The following RBFOX1 variants were observed in gnomAD, a reference collection of about 807,000 sequenced individuals.
RBFOX1 encodes the protein RNA binding fox-1 homolog 1, also known as RNA binding protein fox-1 homolog 1.
In RBFOX1, 8 loss-of-function variants were observed where a neutral mutation model predicts 57.7. The ratio of observed to expected loss-of-function variants is 0.14; its 90% CI spans 0.08 to 0.25. The LOEUF (loss-of-function observed/expected upper bound fraction) is 0.25. Among genes scored for constraint, RBFOX1 ranks in the 10% least tolerant of loss-of-function variants. The pLI, the probability that RBFOX1 is intolerant of heterozygous loss-of-function variation, is 1.00. For synonymous variants in RBFOX1, 326 were observed against 222.4 expected (o/e 1.47, Z -4.15); for missense variants, 611 against 548.5 (o/e 1.11, Z -1.14).
intron 3 of RBFOX1, among the ~76,000 whole-genome samples, chr16:5,705,638 G>A (rs2051216408): frequency 6.6e-6 from 1 of 152,116 alleles, no homozygotes; most frequent in Non-Finnish European, 1.5e-5. Context: ...ATCAATGTGG[G>A]ACCATTAAGT....
chr16:5,255,358 A>ATCCATCCATCCATCCC (rs1555468942), intron 1 of RBFOX1, among the ~76,000 whole-genome samples: 4 of 106,320 alleles, frequency 3.8e-5, no homozygotes, highest in Non-Finnish European at 6.3e-5. Flanking sequence ...CCATCCCTCC[A>ATCCATCCATCCATCCC]TCCATCCATC....
At chr16:6,918,127 A>C (rs1597187040) in intron 3 of RBFOX1, among the ~76,000 whole-genome samples, 1 of 152,050 alleles carries the variant, frequency 6.6e-6, no homozygotes, top group Admixed American at 6.6e-5. Context: ...GTCTCTACTA[A>C]AAATGCAGAA....
At chr16:6,823,122 T>G (rs573788050) in intron 3 of RBFOX1, among the ~76,000 whole-genome samples, 1 of 152,324 alleles carries the variant, frequency 6.6e-6, no homozygotes, top group East Asian at 1.9e-4. Flanking sequence ...AGCCATTTTA[T>G]GAAGCCTGTA....
At chr16:6,567,303 C>A (rs1296562794) in intron 2 of RBFOX1, among the ~76,000 whole-genome samples, 1 of 152,134 alleles carries the variant, frequency 6.6e-6, no homozygotes, top group Non-Finnish European at 1.5e-5. Flanking sequence ...TTATTATTGT[C>A]CTGAACACAG....
At position 6,263,207 on chromosome 16, in the gene RBFOX1, C is replaced by G. The variant is rs1391241490; in HGVS notation, c.-126-53788C>G. On this transcript the variant is annotated intron_variant, in intron 1 of 15. Coordinates refer to ENST00000550418, the MANE Select transcript of RBFOX1 (RefSeq NM_018723.4). ...TTCTGCTCAATATTGGAGGGTCATA[C>G]TTTCTGCTTCCCCAGGAATTTTGTT... 4.6e-5 allele frequency among the ~76,000 whole-genome samples: 7 copies of G among 152,172 alleles called. No homozygotes were observed. The South Asian group carries it at 1.0e-3, about 22-fold the overall frequency.
chr16:6,987,323 G>A (rs2090505267), intron 3 of RBFOX1, among the ~76,000 whole-genome samples: 1 of 152,040 alleles, frequency 6.6e-6, no homozygotes, highest in Admixed American at 6.6e-5. Context: ...TTTCAAAGGA[G>A]GAAGTGAGTG....
chr16:6,309,080 T>G (rs1361889710), intron 1 of RBFOX1, among the ~76,000 whole-genome samples: 1 of 152,104 alleles, frequency 6.6e-6, no homozygotes, highest in Non-Finnish European at 1.5e-5. Flanking sequence ...GTCTCATGTG[T>G]ATATTTCCTT....
intron 2 of RBFOX1, among the ~76,000 whole-genome samples, chr16:6,528,104 A>G (rs2096606279): frequency 6.6e-6 from 1 of 152,090 alleles, no homozygotes; most frequent in Non-Finnish European, 1.5e-5. Context: ...ACCTTTCCTG[A>G]TTCACCCAAC....
At chr16:6,224,229 C>G (rs1285673226) in intron 1 of RBFOX1, among the ~76,000 whole-genome samples, 1 of 135,022 alleles carries the variant, frequency 7.4e-6, no homozygotes, top group African/African-American at 2.7e-5. Context: ...TTATTTTTTT[C>G]CAATTCTGTG....
At chr16:7,207,854 C>T (rs1305752944) in intron 4 of RBFOX1, among the ~76,000 whole-genome samples, 5 of 152,134 alleles carry the variant, frequency 3.3e-5, no homozygotes, top group Admixed American at 6.5e-5. Flanking sequence ...TACCTTTATT[C>T]AGGAGAGAGA....
At chr16:7,466,662 C>T (rs749476735) in intron 4 of RBFOX1, among the ~76,000 whole-genome samples, 1 of 152,214 alleles carries the variant, frequency 6.6e-6, no homozygotes, top group Non-Finnish European at 1.5e-5. Flanking sequence ...CTTTCTGAAT[C>T]TCAGTGTCCA....
chr16:7,355,529 C>T (rs1464375295), intron 4 of RBFOX1, among the ~76,000 whole-genome samples: 3 of 152,106 alleles, frequency 2.0e-5, no homozygotes, highest in Admixed American at 6.6e-5. Context: ...ACACCATGCA[C>T]GTGTGTTAAG....
intron 3 of RBFOX1, among the ~76,000 whole-genome samples, chr16:5,853,280 C>A (rs1490108270): frequency 6.6e-6 from 1 of 152,136 alleles, no homozygotes; most frequent in African/African-American, 2.4e-5. Flanking sequence ...ACAACCCTCA[C>A]CTCCTGAGAA....
rs1390226297 is a variant in RBFOX1 at position 7,157,901 on chromosome 16, G to C, written c.27+105803G>C. 3.3e-5 allele frequency among the ~76,000 whole-genome samples: 5 copies of C among 152,330 alleles called. No homozygotes were observed. The East Asian group carries it at 7.7e-4, about 23-fold the overall frequency. ...CTCTGTTCACTTTGACCCATTGGTA[G>C]AGACTTCCGAGGAGCTGTGTTTGCT... On this transcript the variant is annotated intron_variant, in intron 4 of 15. Transcript: ENST00000550418.
chr16:7,027,601 G>A (rs750826946), intron 3 of RBFOX1, among the ~76,000 whole-genome samples: 1 of 152,164 alleles, frequency 6.6e-6, no homozygotes, highest in East Asian at 1.9e-4. Context: ...TACCCAGCCA[G>A]GGAACAAGAA....
chr16:5,456,255 T>G (rs2068628519), intron 1 of RBFOX1, among the ~76,000 whole-genome samples: 1 of 152,206 alleles, frequency 6.6e-6, no homozygotes, highest in African/African-American at 2.4e-5. Flanking sequence ...GATATGAACG[T>G]GCTATACTTC....
At chr16:6,817,801 C>T (rs765946453) in intron 3 of RBFOX1, among the ~76,000 whole-genome samples, 1 of 152,062 alleles carries the variant, frequency 6.6e-6, no homozygotes, top group Admixed American at 6.6e-5. Flanking sequence ...TGACAAAAAC[C>T]TTATTAACTA....
At chr16:6,286,177 C>G (rs528446125) in intron 1 of RBFOX1, among the ~76,000 whole-genome samples, 10 of 152,272 alleles carry the variant, frequency 6.6e-5, no homozygotes, top group Non-Finnish European at 1.3e-4. Flanking sequence ...GAGAGCTCGA[C>G]TGACATGAAA....
chr16:6,317,287 T>C (rs900506588), intron 2 of RBFOX1, among the ~76,000 whole-genome samples: 1 of 152,192 alleles, frequency 6.6e-6, no homozygotes, highest in Non-Finnish European at 1.5e-5. Context: ...TTTGTGAGGT[T>C]ATCAATGAGT....
Sources: allele counts gnomAD v4.1 joint callset (sites outside exome capture counted in the v4.1 genomes callset), GRCh38; gene constraint gnomAD v4.1.1; transcripts MANE v1.5; gene names NCBI Gene and HGNC (gene_info 2026-07-23, HGNC 2026-07-21).